FANCL: variants seen among roughly 807,000 people sequenced by gnomAD.
FANCL encodes the protein FA complementation group L, also known as E3 ubiquitin-protein ligase FANCL.
In FANCL, 69 loss-of-function variants were observed where a neutral mutation model predicts 59.4. The ratio of observed to expected loss-of-function variants is 1.16; its 90% CI spans 0.96 to 1.42. The LOEUF (loss-of-function observed/expected upper bound fraction) is 1.42. Ranked by LOEUF, FANCL falls within the 40% of genes most tolerant of loss-of-function variation. FANCL has a pLI of 0.00. For missense variants in FANCL, 519 were observed against 447.2 expected (o/e 1.16, Z -1.45); for synonymous variants, 180 against 147.1 (o/e 1.22, Z -1.62).
At chr2:58,224,771 G>C (rs891462328) in intron 4 of FANCL, among the ~76,000 whole-genome samples, 8 of 151,864 alleles carry the variant, frequency 5.3e-5, no homozygotes, top group Non-Finnish European at 1.2e-4. Context: ...CTACAATGAT[G>C]TTAACATTAG....
At chr2:58,188,486 G>C (rs1573633316) in intron 7 of FANCL, among the ~76,000 whole-genome samples, 1 of 151,732 alleles carries the variant, frequency 6.6e-6, no homozygotes, top group Non-Finnish European at 1.5e-5. Flanking sequence ...CACCCAGGCT[G>C]AAGTGCAGTG....
intron 8 of FANCL, among the ~76,000 whole-genome samples, chr2:58,164,652 G>A (rs1024639689): frequency 6.6e-6 from 1 of 152,142 alleles, no homozygotes; most frequent in African/African-American, 2.4e-5. Context: ...TATGCTGAAT[G>A]AGAAATATAG....
chr2:58,175,716 A>G (rs918056417), intron 7 of FANCL, among the ~76,000 whole-genome samples: 2 of 152,222 alleles, frequency 1.3e-5, no homozygotes, highest in Non-Finnish European at 2.9e-5. Context: ...TCCCTTTGAA[A>G]ACCAGCAGGA....
At chr2:58,239,749 A>C (rs1694342440) in intron 1 of FANCL, among the ~76,000 whole-genome samples, 1 of 152,214 alleles carries the variant, frequency 6.6e-6, no homozygotes, top group African/African-American at 2.4e-5. Flanking sequence ...ATGGTTCAGG[A>C]AAATAATGTG....
chr2:58,225,503 T>C (rs1311813441), intron 4 of FANCL, among the ~76,000 whole-genome samples: 1 of 151,992 alleles, frequency 6.6e-6, no homozygotes, highest in East Asian at 1.9e-4. Flanking sequence ...CTAAAATCAT[T>C]AGGTGACAGT....
At chr2:58,171,744 G>A (rs1052123507) in intron 7 of FANCL, among the ~76,000 whole-genome samples, 6 of 152,208 alleles carry the variant, frequency 3.9e-5, no homozygotes, top group African/African-American at 1.4e-4. Flanking sequence ...GGGAGTGCCA[G>A]ACAGTGGGCG....
chr2:58,210,629 A>G (rs985463545), intron 5 of FANCL, among the ~76,000 whole-genome samples: 8 of 152,186 alleles, frequency 5.3e-5, no homozygotes, highest in African/African-American at 9.7e-5. Context: ...ATCTAAGACA[A>G]GGCAAGTCTC....
In FANCL at chr2:58,162,855, A is replaced by T. The variant is rs755952682; in HGVS notation, c.903+11T>A. Reference sequence around the variant, plus strand: ...TACTGTCTGGAATATCAAAACACTGATAAAACTTACAGATTTTTCCAGGAT... The same window carrying T: ...TACTGTCTGGAATATCAAAACACTGTTAAAACTTACAGATTTTTCCAGGAT... On this transcript the variant is annotated intron_variant, in intron 11 of 13. Coordinates refer to ENST00000233741, the MANE Select transcript of FANCL (RefSeq NM_018062.4). 1 of 1,607,104 alleles carries T rather than the reference A, an allele frequency of 6.2e-7. No homozygotes were observed. Among genetic ancestry groups the T allele is most frequent in the South Asian group, 1.1e-5 (1 of 90,918 alleles).
intron 8 of FANCL, among the ~76,000 whole-genome samples, chr2:58,164,026 T>C (rs984500616): frequency 3.9e-5 from 6 of 152,018 alleles, no homozygotes; most frequent in Non-Finnish European, 7.4e-5. Flanking sequence ...TTTTGCTGCA[T>C]GTGAAACTTT....
At chr2:58,166,418 C>T (rs1461590276) in intron 7 of FANCL, among the ~76,000 whole-genome samples, 5 of 152,132 alleles carry the variant, frequency 3.3e-5, no homozygotes, top group Admixed American at 2.0e-4. Context: ...ACAGAAGGTA[C>T]AAATGATGTT....
chr2:58,162,849 A>C lies in FANCL; in HGVS notation c.903+17T>G. The C allele has an allele frequency of 1.9e-6, 3 of 1,600,504 alleles. No homozygotes were observed. Among genetic ancestry groups the C allele is most frequent in the Non-Finnish European group, 2.6e-6 (3 of 1,168,786 alleles). On this transcript the variant is annotated intron_variant, in intron 11 of 13. Transcript: ENST00000233741. Reference sequence around the variant, plus strand: ...ATGCAATACTGTCTGGAATATCAAAACACTGATAAAACTTACAGATTTTTC... The same window carrying C: ...ATGCAATACTGTCTGGAATATCAAACCACTGATAAAACTTACAGATTTTTC...
intron 1 of FANCL, among the ~76,000 whole-genome samples, chr2:58,239,219 T>A (rs1694294838): frequency 6.6e-6 from 1 of 152,178 alleles, no homozygotes; most frequent in South Asian, 2.1e-4. Context: ...AAGTACTTAT[T>A]AATTACAAAA....
chr2:58,184,959 CCA>C (rs1367204593), intron 7 of FANCL, among the ~76,000 whole-genome samples: 1 of 152,120 alleles, frequency 6.6e-6, no homozygotes. Flanking sequence ...CACCAACCCA[CCA>C]CAGACTTTAA....
chr2:58,169,477 A>G (rs112329607), intron 7 of FANCL, among the ~76,000 whole-genome samples: 21 of 152,306 alleles, frequency 1.4e-4, no homozygotes, highest in African/African-American at 5.0e-4. Flanking sequence ...GGAAAATTCC[A>G]AAAACCAGAA....
chr2:58,184,397 T>G (rs1558766522), intron 7 of FANCL, among the ~76,000 whole-genome samples: 1 of 152,032 alleles, frequency 6.6e-6, no homozygotes, highest in Non-Finnish European at 1.5e-5. Flanking sequence ...GGAGAAAAAC[T>G]GCAATAGTCA....
At chr2:58,217,157 T>TA (rs1691828619) in intron 5 of FANCL, among the ~76,000 whole-genome samples, 1 of 63,430 alleles carries the variant, frequency 1.6e-5, no homozygotes, top group Non-Finnish European at 3.5e-5. Context: ...ATATATATAT[T>TA]TATATATTTT....
chr2:58,225,329 T>C (rs1010323107), intron 4 of FANCL, among the ~76,000 whole-genome samples: 1 of 151,912 alleles, frequency 6.6e-6, no homozygotes, highest in Admixed American at 6.6e-5. Flanking sequence ...CAAGCACTTA[T>C]CCAGTCTCTC....
At chr2:58,185,082 G>C (rs1055474856) in intron 7 of FANCL, among the ~76,000 whole-genome samples, 1 of 152,058 alleles carries the variant, frequency 6.6e-6, no homozygotes, top group Admixed American at 6.6e-5. Flanking sequence ...TACATGCAGA[G>C]GGAGCACAGA....
intron 3 of FANCL, among the ~76,000 whole-genome samples, chr2:58,228,440 G>A (rs1271011311): frequency 6.6e-6 from 1 of 152,124 alleles, no homozygotes; most frequent in Non-Finnish European, 1.5e-5. Flanking sequence ...TATTACAGAT[G>A]ATCAATAAAT....
Sources: gnomAD v4.1 joint callset for allele counts (sites outside exome capture counted in the v4.1 genomes callset) on GRCh38, gnomAD v4.1.1 for gene constraint, MANE v1.5 for transcripts, NCBI Gene and HGNC (gene_info 2026-07-23, HGNC 2026-07-21) for gene names.